NFAT5: variants seen among roughly 807,000 people sequenced by gnomAD.
The protein encoded by NFAT5 is nuclear factor of activated T cells 5.
A neutral mutation model predicts 166.5 loss-of-function variants in NFAT5; 31 were observed. The observed-to-expected ratio is 0.19, with a 90% confidence interval of 0.14 to 0.25. NFAT5 has a LOEUF of 0.25. NFAT5 is among the 10% of genes least tolerant of loss of function. The probability of loss-of-function intolerance (pLI) is 1.00; values close to 1 mark genes in which losing one functional copy is unlikely to be tolerated. For missense variants in NFAT5, 1,449 were observed against 1,821.8 expected, an observed-to-expected ratio of 0.80 and a Z score of 3.72; for synonymous variants, 612 against 639.7, an observed-to-expected ratio of 0.96 and a Z score of 0.65.
intron 2 of NFAT5, among the ~76,000 whole-genome samples, chr16:69,620,294 G>T (rs1013885785): frequency 6.6e-6 from 1 of 151,962 alleles, no homozygotes; most frequent in Non-Finnish European, 1.5e-5. Flanking sequence ...TTATTATATC[G>T]CACTTGCCCT....
At chr16:69,662,526 C>G (rs1168279037) in intron 7 of NFAT5, among the ~76,000 whole-genome samples, 1 of 131,300 alleles carries the variant, frequency 7.6e-6, no homozygotes, top group Non-Finnish European at 1.5e-5. Context: ...GCATCATGAT[C>G]TCTGCTCACT....
intron 2 of NFAT5, among the ~76,000 whole-genome samples, chr16:69,608,884 G>A (rs1207709185): frequency 6.6e-6 from 1 of 151,468 alleles, no homozygotes; most frequent in Non-Finnish European, 1.5e-5. Flanking sequence ...CACTTTAGGA[G>A]GCCAAGGCGG....
Position 69,692,886 on chromosome 16 carries a change from A to G in NFAT5, c.3061A>G (p.Ser1021Gly). Residue 1021 changes from serine (S) to glycine (G), a missense_variant, in exon 13 of 15, where the codon AGT becomes GGT. Coordinates refer to ENST00000349945, the MANE Select transcript of NFAT5 (RefSeq NM_138713.4). Reference sequence around the variant, plus strand: ...AACACAAGCAAAACAGATTCAGAACAGTGTCTTTCAGACCATGGTCCAAAT... The same window carrying G: ...AACACAAGCAAAACAGATTCAGAACGGTGTCTTTCAGACCATGGTCCAAAT... Reference protein sequence around the residue: ...TGTQAKQIQNSVFQTMVQMQH... With the variant: ...TGTQAKQIQNGVFQTMVQMQH... 6.2e-7 allele frequency: 1 copy of G among 1,614,242 alleles called. No homozygotes were observed. The highest frequency in any genetic ancestry group is 8.5e-7 in the Non-Finnish European group (1 of 1,180,042).
chr16:69,603,767 A>G (rs1373663095), intron 2 of NFAT5, among the ~76,000 whole-genome samples: 1 of 152,138 alleles, frequency 6.6e-6, no homozygotes, highest in African/African-American at 2.4e-5. Flanking sequence ...AACACAGAAC[A>G]TATTTCTGTA....
intron 2 of NFAT5, among the ~76,000 whole-genome samples, chr16:69,587,830 T>A (rs757050409): frequency 3.6e-4 from 55 of 152,252 alleles, no homozygotes; most frequent in Admixed American, 7.2e-4. Flanking sequence ...GTTAAATTAA[T>A]CTTAACCAGT....
chr16:69,648,934 G>A (rs2035560935), intron 4 of NFAT5: 1 of 973,088 alleles, frequency 1.0e-6, no homozygotes, highest in Non-Finnish European at 1.2e-6. Flanking sequence ...TACCCTTTAA[G>A]CAATAATTAC....
intron 1 of NFAT5, among the ~76,000 whole-genome samples, chr16:69,567,127 C>T (rs962296046): frequency 6.6e-6 from 1 of 152,198 alleles, no homozygotes; most frequent in Non-Finnish European, 1.5e-5. Context: ...CCTCTCCTCT[C>T]CCAGGAGGAC....
intron 2 of NFAT5, among the ~76,000 whole-genome samples, chr16:69,581,896 A>C (rs1428355818): frequency 6.6e-6 from 1 of 152,180 alleles, no homozygotes; most frequent in African/African-American, 2.4e-5. Context: ...TTTGGTGAGA[A>C]CGCTTAAAAT....
chr16:69,618,171 A>G (rs938922061), intron 2 of NFAT5, among the ~76,000 whole-genome samples: 1 of 152,084 alleles, frequency 6.6e-6, no homozygotes, highest in Non-Finnish European at 1.5e-5. Context: ...AAAAAAAAAA[A>G]AAAACTCTGT....
intron 6 of NFAT5, among the ~76,000 whole-genome samples, chr16:69,658,461 C>G (rs1323985668): frequency 7.3e-6 from 1 of 137,190 alleles, no homozygotes; most frequent in African/African-American, 2.7e-5. Context: ...CCAGCCTGGG[C>G]AACAAGAGCG....
Position 69,693,266 on chromosome 16 carries a change from T to C in NFAT5, c.3441T>C (p.Ser1147=), listed in dbSNP as rs752122702. Residue 1147 remains serine, a synonymous_variant, in exon 13 of 15, where the codon TCT becomes TCC. Transcript: ENST00000349945. ...SQSTIAVLQG[S]SVPQDQQSTN... is the part of the protein sequence containing the mutation. ...GTACCATTGCTGTGTTACAGGGCTC[T>C]TCAGTTCCTCAAGACCAGCAGTCAA... 7.4e-6 allele frequency: 12 copies of C among 1,614,212 alleles called. No individual in the cohort carries two copies. The highest frequency in any genetic ancestry group is 9.3e-6 in the Non-Finnish European group (11 of 1,180,034).
At chr16:69,615,349 C>G (rs1453688129) in intron 2 of NFAT5, among the ~76,000 whole-genome samples, 1 of 152,078 alleles carries the variant, frequency 6.6e-6, no homozygotes, top group East Asian at 1.9e-4. Context: ...CCCATGCTGT[C>G]TTTTGTGTCC....
intron 2 of NFAT5, among the ~76,000 whole-genome samples, chr16:69,624,584 A>T (rs1476832719): frequency 6.6e-6 from 1 of 152,150 alleles, no homozygotes; most frequent in Non-Finnish European, 1.5e-5. Context: ...TACAACTTCT[A>T]ATTTTAGCTT....
At chr16:69,599,328 G>C (rs1399547403) in intron 2 of NFAT5, among the ~76,000 whole-genome samples, 1 of 152,210 alleles carries the variant, frequency 6.6e-6, no homozygotes, top group Admixed American at 6.5e-5. Context: ...TGCAATCCCA[G>C]CACTTCGGGA....
In NFAT5 at chr16:69,596,581, G is replaced by GGT. The variant is rs565968170; in HGVS notation, c.127+28035_127+28036dup. Among the ~76,000 whole-genome samples, 38 of 152,170 alleles carry GGT rather than the reference G, an allele frequency of 2.5e-4. 1 individual carries two copies. In the South Asian group the frequency reaches 7.3e-3, roughly 29 times the overall value. On this transcript the variant is annotated intron_variant, in intron 2 of 14. Coordinates refer to ENST00000349945, the MANE Select transcript of NFAT5 (RefSeq NM_138713.4). The stretch of plus-strand genomic sequence containing the variant: ...AAAAATACAAAAATTAGCCGGGCGT[G>GGT]GTGGCACGTGCCTGTAATTGCAGCT...
At chr16:69,645,744 G>T (rs901566114) in intron 3 of NFAT5, among the ~76,000 whole-genome samples, 1 of 152,018 alleles carries the variant, frequency 6.6e-6, no homozygotes, top group Non-Finnish European at 1.5e-5. Context: ...ATATATCTTT[G>T]TCACATTACC....
intron 7 of NFAT5, among the ~76,000 whole-genome samples, chr16:69,666,544 T>C (rs2036389268): frequency 6.6e-6 from 1 of 152,252 alleles, no homozygotes; most frequent in South Asian, 2.1e-4. Flanking sequence ...AGAAGACATT[T>C]ATGCAGGAAA....
At chr16:69,617,184 C>T (rs769305924) in intron 2 of NFAT5, among the ~76,000 whole-genome samples, 6 of 151,996 alleles carry the variant, frequency 3.9e-5, no homozygotes, top group African/African-American at 7.2e-5. Context: ...CCTTGTGATC[C>T]GCCCGCCTCG....
chr16:69,615,044 AT>A (rs1266471315), intron 2 of NFAT5, among the ~76,000 whole-genome samples: 249 of 121,118 alleles, frequency 2.1e-3, no homozygotes, highest in Middle Eastern at 5.0e-3. Context: ...TCCCAGCTAA[AT>A]TTTTTTTTTT....
Sources: allele counts gnomAD v4.1 joint callset (sites outside exome capture counted in the v4.1 genomes callset), GRCh38; gene constraint gnomAD v4.1.1; transcripts MANE v1.5; gene names NCBI Gene and HGNC (gene_info 2026-07-23, HGNC 2026-07-21).